Variants in MAML1 observed in about 807,000 individuals in gnomAD.
MAML1 encodes mastermind-like protein 1.
MAML1 carries 14 observed loss-of-function variants against 77.1 expected under a neutral mutation model. The observed-to-expected ratio is 0.18, with a 90% confidence interval of 0.12 to 0.28. The LOEUF (loss-of-function observed/expected upper bound fraction) is 0.28. Among genes scored for constraint, MAML1 ranks in the 10% least tolerant of loss-of-function variants. MAML1 has a pLI of 1.00. For missense variants in MAML1, 1,217 were observed against 1,327.8 expected, an observed-to-expected ratio of 0.92 and a Z score of 1.30; for synonymous variants, 516 against 551.9, an observed-to-expected ratio of 0.93 and a Z score of 0.91.
chr5:179,744,481 T>A (rs887342792), intron 1 of MAML1, among the ~76,000 whole-genome samples: 2 of 151,932 alleles, frequency 1.3e-5, no homozygotes, highest in Non-Finnish European at 2.9e-5. Flanking sequence ...CCACCACACC[T>A]GGCCAAAATA....
Position 179,751,483 on chromosome 5 carries a change from C to T in MAML1, c.316-13843C>T, listed in dbSNP as rs1311774212. 3.9e-5 allele frequency among the ~76,000 whole-genome samples: 6 copies of T among 152,150 alleles called. No homozygotes were observed. In the East Asian group the frequency reaches 5.8e-4, roughly 15 times the overall value. On this transcript the variant is annotated intron_variant, in intron 1 of 4. Coordinates refer to ENST00000292599, the MANE Select transcript of MAML1 (RefSeq NM_014757.5). The stretch of plus-strand genomic sequence containing the variant: ...CAACACTTTGGGAGGCCAAGGCGGG[C>T]GGATCATGAGGTCAAGTTCGAGACC...
intron 1 of MAML1, among the ~76,000 whole-genome samples, chr5:179,748,524 T>G (rs756477425): frequency 6.6e-6 from 1 of 152,208 alleles, no homozygotes; most frequent in Non-Finnish European, 1.5e-5. Flanking sequence ...AAGAGTTGTT[T>G]AATAAAGGCA....
intron 1 of MAML1, among the ~76,000 whole-genome samples, chr5:179,737,043 A>G (rs964183540): frequency 2.0e-5 from 3 of 151,528 alleles, no homozygotes; most frequent in Non-Finnish European, 4.4e-5. Flanking sequence ...ACCCTGTATG[A>G]TTTTTTTTAG....
At chr5:179,772,506 C>A (rs1438646397) in intron 4 of MAML1, among the ~76,000 whole-genome samples, 1 of 152,164 alleles carries the variant, frequency 6.6e-6, no homozygotes, top group East Asian at 1.9e-4. Flanking sequence ...CTCCTACCCA[C>A]AAAACCTAAT....
chr5:179,775,307 C>T lies in MAML1; in HGVS notation c.*430C>T. 7.1e-6 allele frequency: 7 copies of T among 989,784 alleles called. No individual in the cohort carries two copies. The highest frequency in any genetic ancestry group is 8.4e-6 in the Non-Finnish European group (7 of 833,150). The allele number at this position is 989,784 out of a possible 1,614,324, so 61.3% of individuals were successfully genotyped here. On this transcript the variant is annotated 3_prime_UTR_variant, in exon 5 of 5. Transcript: ENST00000292599. ...AAACTTTAGATAGCAGAATTATTTG[C>T]AATTTGTAGCATAGAAAAGATTTTT... is the stretch of plus-strand genomic sequence containing the variant.
chr5:179,748,163 G>C (rs1485084408), intron 1 of MAML1, among the ~76,000 whole-genome samples: 1 of 152,050 alleles, frequency 6.6e-6, no homozygotes, highest in African/African-American at 2.4e-5. Flanking sequence ...GCTCACTGCA[G>C]CCTCTACCTC....
Position 179,774,774 on chromosome 5 carries a change from T to C in MAML1, c.2948T>C (p.Leu983Pro). 1.2e-6 allele frequency: 2 copies of C among 1,613,718 alleles called. No individual in the cohort carries two copies. Among genetic ancestry groups the C allele is most frequent in the Non-Finnish European group, 1.7e-6 (2 of 1,180,026 alleles). The change falls in exon 5 of 5, where the codon CTC becomes CCC. Residue 983 changes from leucine to proline, a missense_variant. Leu to Pro is a moderately conservative substitution (Grantham distance 98, BLOSUM62 -3). This residue lies in a region of MAML1 where 884 missense variants were observed against 949.3 expected (regional missense o/e 0.93). Coordinates refer to ENST00000292599, the MANE Select transcript of MAML1 (RefSeq NM_014757.5). ...AGCGGGCAGCCAGGTGGCAGTGGGCTCTCTAGTGTGGCTGGACACACCGAT... is the reference window on the plus strand; with the variant it reads ...AGCGGGCAGCCAGGTGGCAGTGGGCCCTCTAGTGTGGCTGGACACACCGAT... ...AYSGQPGGSG[L>P]SSVAGHTDLI...
Position 179,755,504 on chromosome 5 carries a change from A to G in MAML1, c.316-9822A>G, listed in dbSNP as rs569313673. 5.3e-5 allele frequency among the ~76,000 whole-genome samples: 8 copies of G among 150,374 alleles called. No individual in the cohort carries two copies. The East Asian group carries it at 1.5e-3, about 29-fold the overall frequency. On this transcript the variant is annotated intron_variant, in intron 1 of 4. Transcript: ENST00000292599. ...CCACAAACATGAAACGTAGTATTGT[A>G]TACAAAGTACTGTTAGAGCATTAGG... is the stretch of plus-strand genomic sequence containing the variant.
chr5:179,742,971 A>T (rs1779310100), intron 1 of MAML1, among the ~76,000 whole-genome samples: 1 of 151,644 alleles, frequency 6.6e-6, no homozygotes, highest in African/African-American at 2.4e-5. Flanking sequence ...AAGGTGAGTT[A>T]GGTCATGAAA....
intron 1 of MAML1, among the ~76,000 whole-genome samples, chr5:179,749,337 G>T (rs1266554070): frequency 1.3e-5 from 2 of 152,166 alleles, no homozygotes; most frequent in Non-Finnish European, 2.9e-5. Context: ...CGTTGGTCAG[G>T]CTGGTCTTGA....
rs1190413867 is a variant in MAML1 at position 179,776,969 on chromosome 5, A to G, written c.*2092A>G. ...AAGGGTGCTCAGACTTTTGTTATAC[A>G]CATTTGCTTTGTGTAAATAAATGTT... On this transcript the variant is annotated 3_prime_UTR_variant, in exon 5 of 5. Coordinates refer to ENST00000292599, the MANE Select transcript of MAML1 (RefSeq NM_014757.5). 2 of 985,648 alleles carry G rather than the reference A, an allele frequency of 2.0e-6. No homozygotes were observed. Among genetic ancestry groups the G allele is most frequent in the East Asian group, 1.1e-4 (1 of 8,820 alleles). The allele number at this position is 985,648 out of a possible 1,614,324, so 61.1% of individuals were successfully genotyped here.
intron 2 of MAML1, among the ~76,000 whole-genome samples, chr5:179,768,072 A>G (rs1403637973): frequency 6.6e-6 from 1 of 152,250 alleles, no homozygotes; most frequent in African/African-American, 2.4e-5. Flanking sequence ...GCGCAGATGT[A>G]CAGTTTCGGG....
At chr5:179,753,612 G>C (rs1779548249) in intron 1 of MAML1, among the ~76,000 whole-genome samples, 1 of 151,652 alleles carries the variant, frequency 6.6e-6, no homozygotes, top group African/African-American at 2.4e-5. Flanking sequence ...ATGAATCGGG[G>C]GGGAGAAGTG....
In MAML1 at chr5:179,768,810, A is replaced by C. The variant is rs1202608920; in HGVS notation, c.1732-40A>C. 6.8e-6 allele frequency: 11 copies of C among 1,609,758 alleles called. No homozygotes were observed. The African/African-American group carries it at 8.0e-5, about 12-fold the overall frequency. ...TGGATGGAGCTTATTTGGTCTGATC[A>C]GAGCTTAGAGACTTCACAGTCCCCT... On this transcript the variant is annotated intron_variant, in intron 2 of 4. Transcript: ENST00000292599.
Position 179,771,866 on chromosome 5 carries a change from C to A in MAML1, c.2068+623C>A, listed in dbSNP as rs1755997221. Among the ~76,000 whole-genome samples the A allele has an allele frequency of 3.3e-5, 5 of 152,120 alleles. No individual in the cohort carries two copies. In the South Asian group the frequency reaches 1.0e-3, roughly 32 times the overall value. ...AGCTCCTCTCAGAATGTCTTAGAAACCTCTGTTTTTCCTTATTTGGGACCT... is the reference window on the plus strand; with the variant it reads ...AGCTCCTCTCAGAATGTCTTAGAAAACTCTGTTTTTCCTTATTTGGGACCT... On this transcript the variant is annotated intron_variant, in intron 4 of 4. Coordinates refer to ENST00000292599, the MANE Select transcript of MAML1 (RefSeq NM_014757.5). The surrounding 1 kb of genome is among the most constrained non-coding windows in gnomAD (Gnocchi z 4.7).
chr5:179,775,943 C>A lies in MAML1; in HGVS notation c.*1066C>A, dbSNP rs932451272. The A allele has an allele frequency of 2.0e-6, 2 of 985,700 alleles. No individual in the cohort carries two copies. The highest frequency in any genetic ancestry group is 3.5e-5 in the African/African-American group (2 of 57,354). The allele number at this position is 985,700 out of a possible 1,614,324, so 61.1% of individuals were successfully genotyped here. A position where few individuals can be genotyped will look rare whatever the true frequency, so the allele number is the denominator to read the frequency against. On this transcript the variant is annotated 3_prime_UTR_variant, in exon 5 of 5. Coordinates refer to ENST00000292599, the MANE Select transcript of MAML1 (RefSeq NM_014757.5). ...TGGGGAAGGAGGCCGTAGGCCGGCC[C>A]GGAGGAAGCAATTCCACTTGGTTTG...
At chr5:179,741,875 A>G (rs1320063488) in intron 1 of MAML1, among the ~76,000 whole-genome samples, 1 of 151,804 alleles carries the variant, frequency 6.6e-6, no homozygotes, top group Non-Finnish European at 1.5e-5. Context: ...GGCTAAACAA[A>G]TGTATTTTAT....
At chr5:179,742,542 C>T (rs1779303876) in intron 1 of MAML1, among the ~76,000 whole-genome samples, 1 of 151,294 alleles carries the variant, frequency 6.6e-6, no homozygotes, top group Non-Finnish European at 1.5e-5. Flanking sequence ...GTGTCTGACA[C>T]CAGTAATCCC....
intron 1 of MAML1, among the ~76,000 whole-genome samples, chr5:179,738,426 A>T (rs1319520955): frequency 6.6e-6 from 1 of 152,234 alleles, no homozygotes; most frequent in East Asian, 1.9e-4. Flanking sequence ...TACTGTAATC[A>T]TGTGGGGCAT....
Sources: gnomAD v4.1 joint callset for allele counts (sites outside exome capture counted in the v4.1 genomes callset) on GRCh38, gnomAD v4.1.1 for gene constraint, gnomAD v4.1.1 regional missense constraint, Gnocchi (gnomAD v3.1) non-coding constraint, MANE v1.5 for transcripts, NCBI Gene and HGNC (gene_info 2026-07-23, HGNC 2026-07-21) for gene names.